KCTD1: variants seen among roughly 807,000 people sequenced by gnomAD.
KCTD1 encodes the protein potassium channel tetramerization domain containing 1, also known as BTB/POZ domain-containing protein KCTD1.
Under a neutral mutation model 66.0 loss-of-function variants are expected in KCTD1, and 24 were observed. That is an observed-to-expected ratio of 0.36 (90% CI 0.26 to 0.51). The LOEUF is 0.51. Ranked by LOEUF, KCTD1 falls within the 20% of genes least tolerant of loss-of-function variation. The probability of loss-of-function intolerance (pLI) is 0.95; values close to 1 mark genes in which losing one functional copy is unlikely to be tolerated. For synonymous variants in KCTD1, 511 were observed against 517.2 expected, an observed-to-expected ratio of 0.99 and a Z score of 0.16; for missense variants, 943 against 1,205.2, an observed-to-expected ratio of 0.78 and a Z score of 3.22.
At chr18:26,459,518 A>C (rs910736754) in intron 4 of KCTD1, 102 bp downstream of exon 4, 21 of 1,112,896 alleles carry the variant, frequency 1.9e-5, no homozygotes, top group African/African-American at 7.8e-5. Flanking sequence ...TCACTGAGTG[A>C]GTTTCTAAGC....
intron 1 of KCTD1, among the ~76,000 whole-genome samples, chr18:26,585,301 T>C (rs760274892): frequency 2.0e-5 from 3 of 152,224 alleles, no homozygotes; most frequent in Non-Finnish European, 2.9e-5. Flanking sequence ...TCTAACCATA[T>C]TGGTAATATA....
chr18:26,510,636 A>G (rs915655192), intron 1 of KCTD1, among the ~76,000 whole-genome samples: 3 of 152,224 alleles, frequency 2.0e-5, no homozygotes, highest in Admixed American at 6.5e-5. Context: ...TGAGGCCATG[A>G]AAAGAATGAC....
Position 26,653,036 on chromosome 18 carries a change from A to C in KCTD1, c.9+4324T>G, listed in dbSNP as rs1253196395. 2.6e-5 allele frequency among the ~76,000 whole-genome samples: 4 copies of C among 152,192 alleles called. No homozygotes were observed. The East Asian group carries it at 5.8e-4, about 22-fold the overall frequency. On this transcript the variant is annotated intron_variant, in intron 1 of 4. Coordinates refer to the KCTD1 transcript ENST00000580191. Reference sequence around the variant, plus strand: ...TCAGTATTTCCCCTACCCTAACCCCAGCTATATCTTCTCTTGCCTGGATGA... The same window carrying C: ...TCAGTATTTCCCCTACCCTAACCCCCGCTATATCTTCTCTTGCCTGGATGA...
intron 2 of KCTD1, among the ~76,000 whole-genome samples, chr18:26,488,259 G>C (rs1982017304): frequency 6.6e-6 from 1 of 151,696 alleles, no homozygotes; most frequent in Non-Finnish European, 1.5e-5. Flanking sequence ...CATTTTCTCT[G>C]AATTCCACCC....
intron 1 of KCTD1, among the ~76,000 whole-genome samples, chr18:26,596,630 G>T (rs1986772378): frequency 1.3e-5 from 2 of 152,150 alleles, no homozygotes; most frequent in African/African-American, 4.8e-5. Context: ...ACAAGAGCTG[G>T]GTAATCTTGA....
At chr18:26,569,069 T>C (rs936199213) in intron 1 of KCTD1, among the ~76,000 whole-genome samples, 11 of 137,856 alleles carry the variant, frequency 8.0e-5, no homozygotes, top group African/African-American at 2.7e-4. Context: ...AAAGCACTTG[T>C]AATAATAATA....
chr18:26,610,594 A>AAAGGAAGG (rs1235940822), intron 1 of KCTD1, among the ~76,000 whole-genome samples: 12 of 147,806 alleles, frequency 8.1e-5, no homozygotes, highest in East Asian at 2.0e-4. Flanking sequence ...AGAGAGAAAG[A>AAAGGAAGG]AAGGAAGGAA....
At chr18:26,632,050 AAAAC>A (rs1473523340), upstream of KCTD1, among the ~76,000 whole-genome samples, 3 of 149,822 alleles carry the variant, frequency 2.0e-5, no homozygotes, top group Admixed American at 6.7e-5. Flanking sequence ...ACTCCGTCTC[AAAAC>A]AAACAAACAA....
At chr18:26,551,088 C>A (rs1437859446), upstream of KCTD1, among the ~76,000 whole-genome samples, 2 of 152,198 alleles carry the variant, frequency 1.3e-5, no homozygotes, top group Non-Finnish European at 2.9e-5. Context: ...GGTCCACCCC[C>A]CTCCCACCAG....
intron 2 of KCTD1, among the ~76,000 whole-genome samples, chr18:26,479,131 G>A (rs542076651): frequency 6.6e-6 from 1 of 152,266 alleles, no homozygotes; most frequent in Non-Finnish European, 1.5e-5. Flanking sequence ...GCTGCAAAGA[G>A]AAGAGCAAGA....
chr18:26,627,057 T>C (rs1434779241), intron 1 of KCTD1, among the ~76,000 whole-genome samples: 1 of 152,198 alleles, frequency 6.6e-6, no homozygotes, highest in Non-Finnish European at 1.5e-5. Flanking sequence ...ATGCCCCACC[T>C]CCTTCTTGAA....
intron 2 of KCTD1, among the ~76,000 whole-genome samples, chr18:26,480,940 G>A (rs139470279): frequency 1.5e-4 from 23 of 152,314 alleles, no homozygotes; most frequent in African/African-American, 5.5e-4. Context: ...TTAAGTCAAA[G>A]AGAGTATGGG....
chr18:26,605,105 C>T (rs1986983288), intron 1 of KCTD1, among the ~76,000 whole-genome samples: 1 of 152,124 alleles, frequency 6.6e-6, no homozygotes. Context: ...GGGCATGCCT[C>T]AGCCGTCTTT....
chr18:26,505,396 T>G (rs1358711296), intron 1 of KCTD1, among the ~76,000 whole-genome samples: 1 of 152,252 alleles, frequency 6.6e-6, no homozygotes, highest in Non-Finnish European at 1.5e-5. Context: ...TGCTGAAGAC[T>G]ATTTCGATTT....
chr18:26,643,856 G>T (rs1987882260), upstream of KCTD1, among the ~76,000 whole-genome samples: 1 of 152,174 alleles, frequency 6.6e-6, no homozygotes. Flanking sequence ...CAGCTACTCG[G>T]GAGGCTGAGG....
At chr18:26,509,658 A>G (rs1983234281) in intron 1 of KCTD1, among the ~76,000 whole-genome samples, 1 of 152,228 alleles carries the variant, frequency 6.6e-6, no homozygotes, top group Admixed American at 6.5e-5. Flanking sequence ...TAGATTGGAA[A>G]GTATCTAATA....
At chr18:26,609,090 T>C (rs1987079017) in intron 1 of KCTD1, among the ~76,000 whole-genome samples, 1 of 150,224 alleles carries the variant, frequency 6.7e-6, no homozygotes, top group South Asian at 2.1e-4. Flanking sequence ...TGTCCTGGAT[T>C]TATAGGATAA....
intron 1 of KCTD1, among the ~76,000 whole-genome samples, chr18:26,647,894 C>A (rs1598983925): frequency 6.6e-6 from 1 of 151,990 alleles, no homozygotes; most frequent in Non-Finnish European, 1.5e-5. Context: ...GGCTGGAGTG[C>A]AGTGGCATAA....
At chr18:26,561,957 A>T (rs1007899200) in intron 1 of KCTD1, among the ~76,000 whole-genome samples, 3 of 152,142 alleles carry the variant, frequency 2.0e-5, no homozygotes, top group Non-Finnish European at 2.9e-5. Flanking sequence ...ACTCTCCTAG[A>T]GTGCTGATGT....
Sources: allele counts gnomAD v4.1 joint callset (sites outside exome capture counted in the v4.1 genomes callset), GRCh38; gene constraint gnomAD v4.1.1; transcripts MANE v1.5; gene names NCBI Gene and HGNC (gene_info 2026-07-23, HGNC 2026-07-21).